ROBO2: variants seen among roughly 807,000 people sequenced by gnomAD.
ROBO2 encodes roundabout homolog 2.
In ROBO2, 53 loss-of-function variants were observed where a neutral mutation model predicts 160.8. That is an observed-to-expected ratio of 0.33 (90% CI 0.26 to 0.41). ROBO2 has a LOEUF of 0.41. ROBO2 is among the 10% of genes least tolerant of loss of function. ROBO2 has a pLI of 1.00. For synonymous variants in ROBO2, 664 were observed against 611.7 expected (o/e 1.09, Z -1.26); for missense variants, 1,577 against 1,722.4 (o/e 0.92, Z 1.49).
At chr3:76,762,971 C>T (rs1159033025) in intron 2 of ROBO2, among the ~76,000 whole-genome samples, 1 of 151,474 alleles carries the variant, frequency 6.6e-6, no homozygotes, top group Admixed American at 6.6e-5. Flanking sequence ...TTACAATTTA[C>T]AATATAAATT....
chr3:76,759,062 GC>G (rs1413368551), intron 2 of ROBO2, among the ~76,000 whole-genome samples: 1 of 151,718 alleles, frequency 6.6e-6, no homozygotes, highest in African/African-American at 2.4e-5. Flanking sequence ...TAAACATATT[GC>G]AGCTTGAAAA....
intron 14 of ROBO2, 72 bp from the exon 16 acceptor site, chr3:77,577,418 C>G: frequency 6.3e-7 from 1 of 1,597,436 alleles, no homozygotes; most frequent in African/African-American, 1.3e-5. Flanking sequence ...TCTTTATACT[C>G]ATATTCTGAA....
intron 2 of ROBO2, among the ~76,000 whole-genome samples, chr3:76,644,212 A>C (rs2090849440): frequency 6.6e-6 from 1 of 152,306 alleles, no homozygotes; most frequent in Non-Finnish European, 1.5e-5. Flanking sequence ...ACATTCCCTT[A>C]GCTTCTGCAG....
exon 19 of ROBO2, chr3:77,596,643 C>T: frequency 6.2e-7 from 1 of 1,613,974 alleles, no homozygotes; most frequent in Non-Finnish European, 8.5e-7. Flanking sequence ...CTTCTCAATG[C>T]TGGTGATCCC....
chr3:76,204,000 C>G (rs1702684298), intron 2 of ROBO2, among the ~76,000 whole-genome samples: 1 of 152,154 alleles, frequency 6.6e-6, no homozygotes, highest in Non-Finnish European at 1.5e-5. Flanking sequence ...TAAATAATGC[C>G]TTTAATAAAT....
At chr3:75,933,401 C>A (rs7620543) in intron 1 of ROBO2, among the ~76,000 whole-genome samples, 151,163 of 152,290 alleles carry the variant, frequency 0.99, 75,026 homozygotes, top group Middle Eastern at 1. Flanking sequence ...GTTGAACAAA[C>A]GGACCATCAA....
At chr3:77,575,405 T>C (rs550138415) in intron 14 of ROBO2, among the ~76,000 whole-genome samples, 2 of 152,138 alleles carry the variant, frequency 1.3e-5, no homozygotes, top group African/African-American at 4.8e-5. Context: ...TCCATTCTGC[T>C]TTTGTATTAA....
Position 76,059,539 on chromosome 3 carries a change from T to G in ROBO2, c.109+121937T>G, listed in dbSNP as rs528078497. Among the ~76,000 whole-genome samples the G allele has an allele frequency of 5.3e-5, 8 of 152,298 alleles. No homozygotes were observed. In the South Asian group the frequency reaches 1.7e-3, roughly 32 times the overall value. ...AAATTTTTTGGAGTTTATTGTAGAT[T>G]CTGGATATTAGCCCTTTGTCAGATG... On this transcript the variant is annotated intron_variant, in intron 2 of 26. Coordinates refer to the ROBO2 transcript ENST00000487694.
intron 2 of ROBO2, among the ~76,000 whole-genome samples, chr3:76,443,732 T>C (rs1459516052): frequency 2.0e-5 from 3 of 152,142 alleles, no homozygotes; most frequent in African/African-American, 7.2e-5. Context: ...GGCAACTTAC[T>C]GGGAACTACA....
At position 75,929,172 on chromosome 3, in the gene ROBO2, C is replaced by T. The variant is rs111556926; in HGVS notation, c.-13-8309C>T. 5.8e-4 allele frequency among the ~76,000 whole-genome samples: 66 copies of T among 113,652 alleles called. 1 individual carries two copies. Among genetic ancestry groups the T allele is most frequent in the African/African-American group, 1.7e-3 (38 of 22,700 alleles). The allele number at this position is 113,652 out of a possible 152,430, so 74.6% of individuals were successfully genotyped here. On this transcript the variant is annotated intron_variant, in intron 1 of 26. Coordinates refer to the ROBO2 transcript ENST00000487694. ...ACATGAGATCTGCAGCTGGATAAGA[C>T]GTGTGTGTGTGTGTGTGTGTGTGTG...
chr3:76,220,490 C>T (rs1435372512), intron 2 of ROBO2, among the ~76,000 whole-genome samples: 1 of 152,060 alleles, frequency 6.6e-6, no homozygotes, highest in Admixed American at 6.6e-5. Flanking sequence ...CTGCTTTTGT[C>T]TTTCTGCCCT....
intron 2 of ROBO2, among the ~76,000 whole-genome samples, chr3:77,352,136 G>A (rs2068435456): frequency 6.7e-6 from 1 of 149,962 alleles, no homozygotes; most frequent in Admixed American, 6.6e-5. Context: ...GCAGGTATCA[G>A]CATTTTACTC....
At chr3:77,505,198 A>T (rs2088292557) in intron 5 of ROBO2, among the ~76,000 whole-genome samples, 1 of 152,230 alleles carries the variant, frequency 6.6e-6, no homozygotes, top group Non-Finnish European at 1.5e-5. Flanking sequence ...TTTCATGTAG[A>T]GTAGCTTGGA....
intron 2 of ROBO2, among the ~76,000 whole-genome samples, chr3:76,273,053 A>G (rs188699116): frequency 0.056 from 5,558 of 100,130 alleles, 286 homozygotes; most frequent in African/African-American, 0.12. Context: ...ATATTATATA[A>G]ATATATAAAA....
intron 3 of ROBO2, among the ~76,000 whole-genome samples, chr3:77,480,173 G>A (rs913538370): frequency 2.0e-5 from 3 of 152,036 alleles, no homozygotes; most frequent in African/African-American, 7.3e-5. Context: ...TCTCTGATAA[G>A]AGCCAACGTA....
chr3:76,393,026 C>T (rs551072702), intron 2 of ROBO2, among the ~76,000 whole-genome samples: 2 of 152,252 alleles, frequency 1.3e-5, no homozygotes, highest in African/African-American at 4.8e-5. Context: ...ATGAAACTCC[C>T]CCTTGCTGAT....
At chr3:77,285,833 A>G (rs1298853290) in intron 2 of ROBO2, among the ~76,000 whole-genome samples, 3 of 152,226 alleles carry the variant, frequency 2.0e-5, no homozygotes, top group Non-Finnish European at 2.9e-5. Flanking sequence ...ATAGAGAGAT[A>G]GGTTTGAGTA....
chr3:76,996,487 T>A (rs181919633), intron 2 of ROBO2, among the ~76,000 whole-genome samples: 20 of 152,098 alleles, frequency 1.3e-4, no homozygotes, highest in Non-Finnish European at 2.5e-4. Flanking sequence ...AATTCTGTGA[T>A]GAAAGTCATT....
At chr3:77,531,111 C>T (rs2091691187) in intron 6 of ROBO2, among the ~76,000 whole-genome samples, 1 of 151,954 alleles carries the variant, frequency 6.6e-6, no homozygotes. Context: ...ACTTGTATAC[C>T]ATATGCTAGA....
Sources: gnomAD v4.1 joint callset for allele counts (sites outside exome capture counted in the v4.1 genomes callset) on GRCh38, gnomAD v4.1.1 for gene constraint, MANE v1.5 for transcripts, NCBI Gene and HGNC (gene_info 2026-07-23, HGNC 2026-07-21) for gene names.